Variants in ITPRID1 observed in about 807,000 individuals in gnomAD.
ITPRID1 encodes protein ITPRID1.
In ITPRID1, 96 loss-of-function variants were observed where a neutral mutation model predicts 95.4. That is an observed-to-expected ratio of 1.01 (90% CI 0.85 to 1.19). The LOEUF (loss-of-function observed/expected upper bound fraction) is 1.19, where lower values mean the gene tolerates loss of function less well. ITPRID1 is among the 50% of genes most tolerant of loss of function. The pLI is 0.00. For synonymous variants in ITPRID1, 510 were observed against 453.6 expected, an observed-to-expected ratio of 1.12 and a Z score of -1.58; for missense variants, 1,339 against 1,252.9, an observed-to-expected ratio of 1.07 and a Z score of -1.04.
intron 5 of ITPRID1, among the ~76,000 whole-genome samples, chr7:31,556,602 G>A (rs184079533): frequency 2.0e-5 from 3 of 152,198 alleles, no homozygotes; most frequent in East Asian, 3.9e-4. Context: ...CATTGAGAAT[G>A]GTGGATGCTA....
At chr7:31,523,318 G>A (rs1783325996) in intron 1 of ITPRID1, among the ~76,000 whole-genome samples, 1 of 152,210 alleles carries the variant, frequency 6.6e-6, no homozygotes, top group African/African-American at 2.4e-5. Flanking sequence ...ATACTAGGAA[G>A]AAATGGATAT....
chr7:31,544,673 G>A lies in ITPRID1; in HGVS notation c.-97-4753G>A, dbSNP rs10249967. 3.4e-3 allele frequency among the ~76,000 whole-genome samples: 525 copies of A among 152,176 alleles called. 4 individuals are homozygous for A. The highest frequency in any genetic ancestry group is 0.012 in the African/African-American group (511 of 41,506). The stretch of plus-strand genomic sequence containing the variant: ...ACATAGTTTGTAAGAACTATTGCTT[G>A]TAATTAAATGTAATCTCCTCCAAAG... On this transcript the variant is annotated intron_variant, in intron 1 of 14. Transcript: ENST00000615280.
chr7:31,641,197 T>C (rs543834355), intron 10 of ITPRID1, among the ~76,000 whole-genome samples: 1 of 152,322 alleles, frequency 6.6e-6, no homozygotes, highest in South Asian at 2.1e-4. Flanking sequence ...GCTGGGATCA[T>C]TTCCCTCCCT....
rs528599158 is a variant in ITPRID1, at chr7:31,628,978, G to A, written c.1229-13198G>A. Among the ~76,000 whole-genome samples the A allele has an allele frequency of 2.2e-3, 328 of 152,266 alleles. 2 individuals are homozygous for A. The highest frequency in any genetic ancestry group is 3.4e-3 in the Middle Eastern group (1 of 294). ...AAAACATTTGGACTGGTTATCACTAGAACTGTGGTACTTGAATCAGTAGAA... is the reference window on the plus strand; with the variant it reads ...AAAACATTTGGACTGGTTATCACTAAAACTGTGGTACTTGAATCAGTAGAA... On this transcript the variant is annotated intron_variant, in intron 10 of 14. Coordinates refer to ENST00000615280, the MANE Select transcript of ITPRID1 (RefSeq NM_001257967.3).
At chr7:31,570,692 G>A (rs1481394256) in intron 6 of ITPRID1, among the ~76,000 whole-genome samples, 1 of 152,172 alleles carries the variant, frequency 6.6e-6, no homozygotes, top group Admixed American at 6.5e-5. Context: ...AGGAAAATGA[G>A]AGCCAGGTTC....
chr7:31,618,108 C>T (rs1380339835), intron 10 of ITPRID1, among the ~76,000 whole-genome samples: 1 of 152,142 alleles, frequency 6.6e-6, no homozygotes, highest in Non-Finnish European at 1.5e-5. Flanking sequence ...CCTTAAAGCC[C>T]TCTTGGTGCC....
chr7:31,537,690 A>G (rs757094841), intron 1 of ITPRID1, among the ~76,000 whole-genome samples: 5 of 152,216 alleles, frequency 3.3e-5, no homozygotes, highest in Non-Finnish European at 5.9e-5. Context: ...TAAAAATGAC[A>G]TTATTTATTT....
intron 10 of ITPRID1, among the ~76,000 whole-genome samples, chr7:31,627,340 A>C (rs1788557124): frequency 6.6e-6 from 1 of 152,200 alleles, no homozygotes; most frequent in Admixed American, 6.5e-5. Context: ...ACATCATGGA[A>C]GATATTCTTT....
chr7:31,520,776 C>A (rs1783224768), intron 1 of ITPRID1, among the ~76,000 whole-genome samples: 1 of 152,012 alleles, frequency 6.6e-6, no homozygotes, highest in South Asian at 2.1e-4. Flanking sequence ...GTATGCTAAT[C>A]CATGTATATA....
chr7:31,601,185 A>G (rs572842025), intron 10 of ITPRID1, among the ~76,000 whole-genome samples: 1 of 152,352 alleles, frequency 6.6e-6, no homozygotes, highest in South Asian at 2.1e-4. Flanking sequence ...AAAACAATAG[A>G]TAAATAGAAA....
At chr7:31,534,634 G>A (rs1265639671) in intron 1 of ITPRID1, among the ~76,000 whole-genome samples, 6 of 152,080 alleles carry the variant, frequency 3.9e-5, no homozygotes, top group East Asian at 1.9e-4. Flanking sequence ...TACTTTCAAC[G>A]TCTCTCTGTG....
chr7:31,598,114 A>G (rs542372772), intron 10 of ITPRID1, among the ~76,000 whole-genome samples: 2 of 152,326 alleles, frequency 1.3e-5, no homozygotes, highest in African/African-American at 4.8e-5. Context: ...AATTCCAAGT[A>G]TAGCAACAGT....
chr7:31,599,657 T>C (rs1331804855), intron 10 of ITPRID1, among the ~76,000 whole-genome samples: 310 of 10,902 alleles, frequency 0.028, 4 homozygotes, highest in Admixed American at 0.081. Context: ...TTTTCTTTCT[T>C]TCCTTTCTCT....
chr7:31,639,624 C>A (rs1444803053), intron 10 of ITPRID1, among the ~76,000 whole-genome samples: 1 of 150,568 alleles, frequency 6.6e-6, no homozygotes, highest in Non-Finnish European at 1.5e-5. Context: ...GAAAGCTCTG[C>A]CTCCCGGGTT....
At chr7:31,586,467 G>A (rs1293362771) in intron 10 of ITPRID1, among the ~76,000 whole-genome samples, 1 of 137,094 alleles carries the variant, frequency 7.3e-6, no homozygotes, top group Non-Finnish European at 1.6e-5. Flanking sequence ...CAGTGTAAAA[G>A]TATTCCTATT....
In ITPRID1 at chr7:31,651,988, G is replaced by A. The variant is rs1246952174; in HGVS notation, c.2761G>A (p.Val921Met). ...GTTACGTGAGGCCCTGAGGCAGCAG[G>A]TGGCAGAGTTGGAATTTCAGTTAGG... Reference protein sequence around the residue: ...QTLREALRQQVAELEFQLGDR... With the variant: ...QTLREALRQQMAELEFQLGDR... The change falls in exon 14 of 15, where the codon GTG becomes ATG. Residue 921 changes from valine (V) to methionine (M), a missense_variant. Coordinates refer to ENST00000615280, the MANE Select transcript of ITPRID1 (RefSeq NM_001257967.3). The A allele has an allele frequency of 1.2e-6, 2 of 1,606,606 alleles. No individual in the cohort carries two copies. The highest frequency in any genetic ancestry group is 1.7e-6 in the Non-Finnish European group (2 of 1,176,802).
At chr7:31,618,596 G>A (rs902452221) in intron 10 of ITPRID1, among the ~76,000 whole-genome samples, 1 of 152,108 alleles carries the variant, frequency 6.6e-6, no homozygotes, top group African/African-American at 2.4e-5. Flanking sequence ...AGTCCAGAAA[G>A]GCCAAAAAGC....
At chr7:31,554,403 CTGAG>C in intron 3 of ITPRID1, 68 bp from the exon 4 acceptor site, 1 of 1,549,720 alleles carries the variant, frequency 6.5e-7, no homozygotes. Context: ...TGAGTGGCGG[CTGAG>C]TAAACAGGGT....
chr7:31,583,775 G>T (rs924759313), intron 10 of ITPRID1, among the ~76,000 whole-genome samples: 5 of 152,170 alleles, frequency 3.3e-5, no homozygotes, highest in Admixed American at 3.3e-4. Flanking sequence ...TACCATAGTG[G>T]AATGAATTTC....
Sources: allele counts gnomAD v4.1 joint callset (sites outside exome capture counted in the v4.1 genomes callset), GRCh38; gene constraint gnomAD v4.1.1; transcripts MANE v1.5; gene names NCBI Gene and HGNC (gene_info 2026-07-23, HGNC 2026-07-21).